The following MAST1 variants were observed in gnomAD, a reference collection of about 807,000 sequenced individuals.
MAST1 encodes microtubule-associated serine/threonine-protein kinase 1.
A neutral mutation model predicts 124.6 loss-of-function variants in MAST1; 40 were observed. The ratio of observed to expected loss-of-function variants is 0.32; its 90% CI spans 0.25 to 0.42. The LOEUF (loss-of-function observed/expected upper bound fraction) is 0.42. Among genes scored for constraint, MAST1 ranks in the 10% least tolerant of loss-of-function variants. The probability of loss-of-function intolerance (pLI) is 1.00; values close to 1 mark genes in which losing one functional copy is unlikely to be tolerated. For missense variants in MAST1, 1,558 were observed against 2,181.9 expected, an observed-to-expected ratio of 0.71 and a Z score of 5.70; for synonymous variants, 938 against 939.4, an observed-to-expected ratio of 1.00 and a Z score of 0.03.
Position 12,843,728 on chromosome 19 carries a change from C to T in MAST1, c.327+121C>T. 2.5e-6 allele frequency: 2 copies of T among 786,114 alleles called. No individual in the cohort carries two copies. Among genetic ancestry groups the T allele is most frequent in the Non-Finnish European group, 4.1e-6 (2 of 492,330 alleles). The allele number at this position is 786,114 out of a possible 1,614,324, so 48.7% of individuals were successfully genotyped here. A position where few individuals can be genotyped will look rare whatever the true frequency, so the allele number is the denominator to read the frequency against. Reference sequence around the variant, plus strand: ...CTTGATGACAGTTTAGGGCCAGGCTCAGTGACTCAAGCCTGTAATCCCAGT... The same window carrying T: ...CTTGATGACAGTTTAGGGCCAGGCTTAGTGACTCAAGCCTGTAATCCCAGT... On this transcript the variant is annotated intron_variant, in intron 4 of 25. Transcript: ENST00000251472. This position sits in a 1 kb window ranked among gnomAD's most constrained non-coding sequence, Gnocchi z 4.9.
chr19:12,853,276 A>C (rs551553375), intron 10 of MAST1, among the ~76,000 whole-genome samples: 1 of 150,662 alleles, frequency 6.6e-6, no homozygotes, highest in Admixed American at 6.6e-5. Context: ...CGGCCTTTTT[A>C]ACCATTTTAA....
intron 7 of MAST1, among the ~76,000 whole-genome samples, chr19:12,849,879 C>T (rs1969940559): frequency 6.6e-6 from 1 of 151,764 alleles, no homozygotes; most frequent in Non-Finnish European, 1.5e-5. Flanking sequence ...CTCACTGCAA[C>T]CTCCACCTCT....
chr19:12,865,642 G>A lies in MAST1; in HGVS notation c.1805-75G>A. On this transcript the variant is annotated intron_variant, in intron 15 of 25. Coordinates refer to ENST00000251472, the MANE Select transcript of MAST1 (RefSeq NM_014975.3). The surrounding 1 kb of genome is among the most constrained non-coding windows in gnomAD (Gnocchi z 7.1). ...TGATCGTGCCACTGCACTCCAGCTG[G>A]GTGACACAGTGAGATCCTGTGTCCA... 1 of 1,456,736 alleles carries A rather than the reference G, an allele frequency of 6.9e-7. No homozygotes were observed. Among genetic ancestry groups the A allele is most frequent in the South Asian group, 1.3e-5 (1 of 79,996 alleles). 90.2% of individuals were successfully genotyped at this position (1,456,736 alleles called of 1,614,324 possible).
chr19:12,865,028 C>T lies in MAST1; in HGVS notation c.1506-18C>T. 2 of 1,613,820 alleles carry T rather than the reference C, an allele frequency of 1.2e-6. No homozygotes were observed. The highest frequency in any genetic ancestry group is 1.7e-6 in the Non-Finnish European group (2 of 1,179,756). Reference sequence around the variant, plus strand: ...AATGGACGGGCCTCATCCCTGAGATCCCCACCTGTGCCTACAGCCTCCTTA... The same window carrying T: ...AATGGACGGGCCTCATCCCTGAGATTCCCACCTGTGCCTACAGCCTCCTTA... On this transcript the variant is annotated intron_variant, in intron 13 of 25. Transcript: ENST00000251472. The surrounding 1 kb of genome is among the most constrained non-coding windows in gnomAD (Gnocchi z 7.1).
At chr19:12,868,549 G>T in intron 20 of MAST1, 94 bp from the exon 21 acceptor site, 2 of 1,124,676 alleles carry the variant, frequency 1.8e-6, no homozygotes, top group Non-Finnish European at 2.5e-6. Flanking sequence ...TCCATCAAGG[G>T]TAAAAAGTGG....
chr19:12,874,344 C>T lies in MAST1; in HGVS notation c.4187C>T (p.Thr1396Met). Residue 1396 changes from threonine (T) to methionine (M), a missense_variant, in exon 26 of 26, where the codon ACG (threonine) becomes ATG (methionine). Coordinates refer to ENST00000251472, the MANE Select transcript of MAST1 (RefSeq NM_014975.3). This position sits in a 1 kb window ranked among gnomAD's most constrained non-coding sequence, Gnocchi z 6.6. Reference protein sequence around the residue: ...VGCTRHQSVQTEDGTGGMARA... With the variant: ...VGCTRHQSVQMEDGTGGMARA... ...TGCACGCGGCATCAGAGCGTGCAGA[C>T]GGAGGATGGCACTGGCGGGATGGCC... 1 of 1,597,874 alleles carries T rather than the reference C, an allele frequency of 6.3e-7. No homozygotes were observed. Among genetic ancestry groups the T allele is most frequent in the Non-Finnish European group, 8.5e-7 (1 of 1,178,628 alleles).
intron 24 of MAST1, among the ~76,000 whole-genome samples, chr19:12,871,984 A>G (rs2242514): frequency 0.34 from 51,197 of 150,832 alleles, 9,277 homozygotes; most frequent in East Asian, 0.62. Context: ...GCTGTGCCAA[A>G]TTTCTAGGAT....
chr19:12,864,753 A>G (rs977275342), intron 12 of MAST1, 56 bp from the exon 13 acceptor site: 15 of 1,605,464 alleles, frequency 9.3e-6, no homozygotes, highest in African/African-American at 4.0e-5. Context: ...GCTATGGTGC[A>G]TGTCCAGAGA....
At chr19:12,861,475 T>C (rs1970081768) in intron 12 of MAST1, among the ~76,000 whole-genome samples, 1 of 152,108 alleles carries the variant, frequency 6.6e-6, no homozygotes, top group Non-Finnish European at 1.5e-5. Flanking sequence ...GACCTGCTAG[T>C]ACAAAGTCTC....
In MAST1 at chr19:12,838,670, C is replaced by G; in HGVS notation, c.83+15C>G. 1.2e-6 allele frequency: 2 copies of G among 1,606,786 alleles called. No homozygotes were observed. Among genetic ancestry groups the G allele is most frequent in the Non-Finnish European group, 1.7e-6 (2 of 1,176,844 alleles). On this transcript the variant is annotated intron_variant, in intron 1 of 25. Coordinates refer to ENST00000251472, the MANE Select transcript of MAST1 (RefSeq NM_014975.3). The surrounding 1 kb of genome is among the most constrained non-coding windows in gnomAD (Gnocchi z 4.3). ...CGCACCAAGAGGTAGACCCCCGATC[C>G]CCTAGACATTGTCCCGGCCCTCCCC...
At chr19:12,861,385 A>C (rs920930017) in intron 12 of MAST1, among the ~76,000 whole-genome samples, 2 of 152,142 alleles carry the variant, frequency 1.3e-5, no homozygotes, top group Non-Finnish European at 2.9e-5. Flanking sequence ...TAGTGAGGAC[A>C]TGAGGTCCAT....
Position 12,869,284 on chromosome 19 carries a change from C to T in MAST1, c.2992C>T (p.His998Tyr). Reference sequence around the variant, plus strand: ...TGACACGGATGTCTATAGTGTCCACCACATTGTCTGGGTGAGTACTCATGG... The same window carrying T: ...TGACACGGATGTCTATAGTGTCCACTACATTGTCTGGGTGAGTACTCATGG... ...MGDTDVYSVH[H>Y]IVWHVEEGGP... The change falls in exon 22 of 26, where the codon CAC (histidine) becomes TAC (tyrosine). Residue 998 changes from histidine to tyrosine, a missense_variant. His to Tyr is a moderately conservative substitution (Grantham distance 83). Coordinates refer to ENST00000251472, the MANE Select transcript of MAST1 (RefSeq NM_014975.3). 6.2e-7 allele frequency: 1 copy of T among 1,613,594 alleles called. No homozygotes were observed. Among genetic ancestry groups the T allele is most frequent in the Non-Finnish European group, 8.5e-7 (1 of 1,179,766 alleles).
chr19:12,840,989 A>G lies in MAST1; in HGVS notation c.173-2A>G. 1.7e-6 allele frequency: 2 copies of G among 1,210,856 alleles called. No homozygotes were observed. The highest frequency in any genetic ancestry group is 1.2e-6 in the Non-Finnish European group (1 of 810,926). 75.0% of individuals were successfully genotyped at this position (1,210,856 alleles called of 1,614,324 possible). On this transcript the variant is annotated splice_acceptor_variant, in intron 2 of 25. Coordinates refer to ENST00000251472, the MANE Select transcript of MAST1 (RefSeq NM_014975.3). LOFTEE classifies it high-confidence loss of function. Reference sequence around the variant, plus strand: ...AGGATTTGCCCCCTCTTTCTCTCATAGGCAGCAGTCCCCTGGACAGCCCCC... The same window carrying G: ...AGGATTTGCCCCCTCTTTCTCTCATGGGCAGCAGTCCCCTGGACAGCCCCC...
At position 12,866,032 on chromosome 19, in the gene MAST1, A is replaced by G. The variant is rs773364302; in HGVS notation, c.1959A>G (p.Thr653=). The change falls in exon 17 of 26, where the codon ACA becomes ACG. Residue 653 remains threonine, a synonymous_variant. Transcript: ENST00000251472. This position sits in a 1 kb window ranked among gnomAD's most constrained non-coding sequence, Gnocchi z 5.2. ...GTTTCTTTCGAGACCTGGACTGGAC[A>G]GGGCTGCTGAGGCAGAAGGCCGAGT... ...QHSFFRDLDW[T]GLLRQKAEFI... 9.9e-6 allele frequency: 16 copies of G among 1,614,050 alleles called. No homozygotes were observed. Among genetic ancestry groups the G allele is most frequent in the Non-Finnish European group, 1.4e-5 (16 of 1,180,040 alleles).
At position 12,871,088 on chromosome 19, in the gene MAST1, G is replaced by A. The variant is rs1283216013; in HGVS notation, c.3179G>A (p.Arg1060His). ...ACGCCCTTCGAAAATACCTCTATCC[G>A]CATTGGTCCCGCAAGGCGCAGCAGC... ...TTTPFENTSI[R>H]IGPARRSSYK... is the part of the protein sequence containing the mutation. The change falls in exon 24 of 26, where the codon CGC (arginine) becomes CAC (histidine). Residue 1060 changes from arginine to histidine, a missense_variant. Physicochemically the swap from Arg to His is conservative, Grantham distance 29. Around this residue, in one of 10 missense-constraint regions of MAST1, gnomAD observed 291 missense variants for 475.8 expected, o/e 0.61. Transcript: ENST00000251472. 6.2e-7 allele frequency: 1 copy of A among 1,614,190 alleles called. No homozygotes were observed. Among genetic ancestry groups the A allele is most frequent in the South Asian group, 1.1e-5 (1 of 91,086 alleles).
At chr19:12,842,935 G>A (rs1255123410) in intron 3 of MAST1, among the ~76,000 whole-genome samples, 1 of 152,124 alleles carries the variant, frequency 6.6e-6, no homozygotes, top group Non-Finnish European at 1.5e-5. Flanking sequence ...CCATGGATGG[G>A]ATAGTCAATA....
chr19:12,862,054 G>A (rs930792130), intron 12 of MAST1, among the ~76,000 whole-genome samples: 3 of 147,978 alleles, frequency 2.0e-5, no homozygotes, highest in Non-Finnish European at 3.0e-5. Flanking sequence ...ACCCAGGCTA[G>A]AGTGCAATGG....
At chr19:12,864,393 CAAAA>C (rs35351874) in intron 12 of MAST1, among the ~76,000 whole-genome samples, 2 of 118,460 alleles carry the variant, frequency 1.7e-5, no homozygotes, top group Non-Finnish European at 1.9e-5. Flanking sequence ...GACCCTGTCT[CAAAA>C]AAAAAAAAAA....
At chr19:12,850,447 A>G (rs1176182931) in intron 7 of MAST1, among the ~76,000 whole-genome samples, 1 of 152,226 alleles carries the variant, frequency 6.6e-6, no homozygotes, top group South Asian at 2.1e-4. Context: ...CCCCCAGAAC[A>G]TTAAATTAAT....
Sources: allele counts gnomAD v4.1 joint callset (sites outside exome capture counted in the v4.1 genomes callset), GRCh38; gene constraint gnomAD v4.1.1; regional missense constraint gnomAD v4.1.1; non-coding constraint Gnocchi (gnomAD v3.1); transcripts MANE v1.5; gene names NCBI Gene and HGNC (gene_info 2026-07-23, HGNC 2026-07-21).